Variants in CERS6 observed in about 807,000 individuals in gnomAD.
CERS6 encodes the protein ceramide synthase 6.
A neutral mutation model predicts 56.8 loss-of-function variants in CERS6; 26 were observed. The ratio of observed to expected loss-of-function variants is 0.46; its 90% CI spans 0.34 to 0.63. CERS6 has a LOEUF of 0.63. Among genes scored for constraint, CERS6 ranks in the 30% least tolerant of loss-of-function variants. CERS6 has a pLI of 0.01. For missense variants in CERS6, 415 were observed against 467.5 expected, an observed-to-expected ratio of 0.89 and a Z score of 1.04; for synonymous variants, 164 against 173.3, an observed-to-expected ratio of 0.95 and a Z score of 0.42.
intron 1 of CERS6, among the ~76,000 whole-genome samples, chr2:168,488,829 G>C (rs1043133727): frequency 6.6e-6 from 1 of 151,878 alleles, no homozygotes; most frequent in Non-Finnish European, 1.5e-5. Flanking sequence ...CTTTATGATA[G>C]AGTTTCCTTT....
chr2:168,569,367 G>T (rs1349297881), intron 3 of CERS6, among the ~76,000 whole-genome samples: 2 of 152,228 alleles, frequency 1.3e-5, no homozygotes, highest in Admixed American at 1.3e-4. Context: ...ACACAATTCA[G>T]TCTGTAACAA....
intron 1 of CERS6, among the ~76,000 whole-genome samples, chr2:168,465,758 T>G (rs997930593): frequency 6.6e-6 from 1 of 152,138 alleles, no homozygotes; most frequent in East Asian, 1.9e-4. Context: ...TTTTGCAAGA[T>G]GGAAAGAGTC....
At chr2:168,695,650 G>A (rs1040519362) in intron 6 of CERS6, among the ~76,000 whole-genome samples, 1 of 152,100 alleles carries the variant, frequency 6.6e-6, no homozygotes, top group Non-Finnish European at 1.5e-5. Context: ...CACCATATTT[G>A]GATTAATCCT....
intron 4 of CERS6, among the ~76,000 whole-genome samples, chr2:168,674,183 CTT>C (rs1685994884): frequency 6.6e-6 from 1 of 152,176 alleles, no homozygotes; most frequent in Admixed American, 6.5e-5. Flanking sequence ...AGAGAGTTGG[CTT>C]TTCAACCTTT....
chr2:168,707,582 T>A (rs1686989770), intron 6 of CERS6, among the ~76,000 whole-genome samples: 1 of 152,206 alleles, frequency 6.6e-6, no homozygotes, highest in Non-Finnish European at 1.5e-5. Context: ...AAATGGTCCG[T>A]TTAACCAGCT....
chr2:168,481,482 C>T (rs1482160547), intron 1 of CERS6, among the ~76,000 whole-genome samples: 1 of 151,984 alleles, frequency 6.6e-6, no homozygotes, highest in Non-Finnish European at 1.5e-5. Flanking sequence ...TTTTTTTTGC[C>T]TGTGCTCAGA....
intron 8 of CERS6, among the ~76,000 whole-genome samples, chr2:168,755,517 C>A (rs974005700): frequency 6.6e-6 from 1 of 152,162 alleles, no homozygotes; most frequent in African/African-American, 2.4e-5. Context: ...GGGCTGTGAT[C>A]AGTGCAATAA....
intron 2 of CERS6, among the ~76,000 whole-genome samples, chr2:168,551,513 G>A (rs191304240): frequency 7.9e-5 from 12 of 151,962 alleles, no homozygotes; most frequent in African/African-American, 1.2e-4. Context: ...TTGAATAACC[G>A]TCTCACAGGC....
chr2:168,650,761 T>C (rs776852735), intron 4 of CERS6, among the ~76,000 whole-genome samples: 1 of 152,190 alleles, frequency 6.6e-6, no homozygotes, highest in Non-Finnish European at 1.5e-5. Context: ...CTTCAATTAT[T>C]ATTAAAATCT....
At chr2:168,541,608 G>A (rs939049902) in intron 1 of CERS6, among the ~76,000 whole-genome samples, 2 of 152,040 alleles carry the variant, frequency 1.3e-5, no homozygotes, top group African/African-American at 2.4e-5. Context: ...TGGGCATGGT[G>A]AGAGTTATTT....
intron 1 of CERS6, among the ~76,000 whole-genome samples, chr2:168,500,559 A>T (rs1440545701): frequency 6.6e-6 from 1 of 152,222 alleles, no homozygotes; most frequent in African/African-American, 2.4e-5. Flanking sequence ...GAGAATTATC[A>T]TGCTATTTCA....
chr2:168,617,970 G>A (rs577935779), intron 3 of CERS6, among the ~76,000 whole-genome samples: 3 of 152,208 alleles, frequency 2.0e-5, no homozygotes, highest in African/African-American at 7.2e-5. Context: ...GAACATACAT[G>A]CAAAAATCCT....
At chr2:168,731,222 CAG>C (rs1206074917) in intron 8 of CERS6, among the ~76,000 whole-genome samples, 1 of 152,082 alleles carries the variant, frequency 6.6e-6, no homozygotes, top group Admixed American at 6.6e-5. Context: ...AAATAACATC[CAG>C]AGAGTGCCCT....
At chr2:168,677,753 T>C (rs1373317015) in intron 4 of CERS6, among the ~76,000 whole-genome samples, 2 of 152,102 alleles carry the variant, frequency 1.3e-5, no homozygotes, top group African/African-American at 4.8e-5. Context: ...CACCTCGGCC[T>C]CCCAAAGTGC....
chr2:168,505,211 CTA>C (rs1694653904), intron 1 of CERS6, among the ~76,000 whole-genome samples: 1 of 151,216 alleles, frequency 6.6e-6, no homozygotes, highest in Admixed American at 6.6e-5. Flanking sequence ...AACTCTGTCT[CTA>C]TAAAAAATGC....
intron 2 of CERS6, among the ~76,000 whole-genome samples, chr2:168,553,503 G>C (rs887141722): frequency 1.3e-5 from 2 of 152,130 alleles, no homozygotes; most frequent in African/African-American, 4.8e-5. Context: ...TAGGGAAAAT[G>C]TTATGTGATT....
chr2:168,670,961 A>G (rs527479610), intron 4 of CERS6, among the ~76,000 whole-genome samples: 12 of 62,452 alleles, frequency 1.9e-4, no homozygotes, highest in Non-Finnish European at 3.4e-4. Context: ...TGCTGGATAC[A>G]TGCTTCCCCC....
intron 8 of CERS6, among the ~76,000 whole-genome samples, chr2:168,726,756 G>C (rs1264790174): frequency 6.6e-6 from 1 of 152,138 alleles, no homozygotes; most frequent in Non-Finnish European, 1.5e-5. Context: ...AAAATGTGCT[G>C]TTATTGTTAA....
chr2:168,517,361 G>A (rs1457966879), intron 1 of CERS6, among the ~76,000 whole-genome samples: 4 of 151,702 alleles, frequency 2.6e-5, no homozygotes, highest in East Asian at 1.9e-4. Flanking sequence ...GCATTGTGGG[G>A]CGTGCCTGTA....
Sources: allele counts gnomAD v4.1 joint callset (sites outside exome capture counted in the v4.1 genomes callset), GRCh38; gene constraint gnomAD v4.1.1; transcripts MANE v1.5; gene names NCBI Gene and HGNC (gene_info 2026-07-23, HGNC 2026-07-21).